TLE4: variants seen among roughly 807,000 people sequenced by gnomAD.
TLE4 encodes transducin-like enhancer protein 4.
TLE4 carries 8 observed loss-of-function variants against 92.8 expected under a neutral mutation model. The ratio of observed to expected loss-of-function variants is 0.09; its 90% CI spans 0.05 to 0.16. The LOEUF (loss-of-function observed/expected upper bound fraction) is 0.16, where lower values mean the gene tolerates loss of function less well. Ranked by LOEUF, TLE4 falls within the 10% of genes least tolerant of loss-of-function variation. TLE4 has a pLI of 1.00. For synonymous variants in TLE4, 371 were observed against 374.1 expected (o/e 0.99, Z 0.10); for missense variants, 675 against 997.6 (o/e 0.68, Z 4.36).
At chr9:79,573,550 C>G (rs941503909) in intron 1 of TLE4, 139 bp from the exon 2 acceptor site, 1 of 832,284 alleles carries the variant, frequency 1.2e-6, no homozygotes, top group Non-Finnish European at 1.7e-6. Flanking sequence ...AGGAGGGTTG[C>G]GGGAGGAGAG....
At chr9:79,583,631 T>C (rs968782387) in intron 4 of TLE4, among the ~76,000 whole-genome samples, 1 of 150,724 alleles carries the variant, frequency 6.6e-6, no homozygotes, top group Non-Finnish European at 1.5e-5. Context: ...ATTTAACTCA[T>C]TATTATTATT....
At chr9:79,701,628 G>A (rs2069907519) in intron 8 of TLE4, among the ~76,000 whole-genome samples, 2 of 152,170 alleles carry the variant, frequency 1.3e-5, no homozygotes, top group African/African-American at 2.4e-5. Flanking sequence ...AAGGAGCAAA[G>A]GTGAGGAAGG....
intron 4 of TLE4, among the ~76,000 whole-genome samples, chr9:79,598,075 GAAAAAAA>G (rs748860967): frequency 4.4e-3 from 287 of 65,754 alleles, no homozygotes; most frequent in African/African-American, 0.015. Context: ...TACTGAAAAA[GAAAAAAA>G]AAAAAAAAAA....
At chr9:79,575,329 A>G (rs773048988) in intron 3 of TLE4, among the ~76,000 whole-genome samples, 17 of 152,190 alleles carry the variant, frequency 1.1e-4, no homozygotes, top group Non-Finnish European at 2.1e-4. Context: ...AACATTGTAA[A>G]TGTCTTATTA....
chr9:79,593,310 G>A (rs1042175977), intron 4 of TLE4, among the ~76,000 whole-genome samples: 2 of 152,032 alleles, frequency 1.3e-5, no homozygotes, highest in African/African-American at 4.8e-5. Flanking sequence ...AAGTCTGACC[G>A]CAGCTTTTAA....
intron 4 of TLE4, among the ~76,000 whole-genome samples, chr9:79,598,081 A>G (rs1437437561): frequency 3.4e-5 from 5 of 149,062 alleles, no homozygotes; most frequent in African/African-American, 5.0e-5. Flanking sequence ...AAAAGAAAAA[A>G]AAAAAAAAAA....
At chr9:79,649,816 G>T in intron 6 of TLE4, 1 of 1,365,488 alleles carries the variant, frequency 7.3e-7, no homozygotes. Context: ...TTTTTATCCT[G>T]TAGGAGAAAA....
chr9:79,624,238 T>G (rs2051879330), intron 5 of TLE4, among the ~76,000 whole-genome samples: 1 of 151,364 alleles, frequency 6.6e-6, no homozygotes, highest in African/African-American at 2.4e-5. Context: ...CTTCCTTGCA[T>G]GTTCATTTTT....
At chr9:79,601,454 A>G (rs779331627) in intron 4 of TLE4, 17 of 455,644 alleles carry the variant, frequency 3.7e-5, no homozygotes, top group South Asian at 2.6e-4. Flanking sequence ...GCAACCCTGA[A>G]TGGAGCTGTT....
intron 8 of TLE4, among the ~76,000 whole-genome samples, chr9:79,654,932 A>G (rs180845786): frequency 9.2e-5 from 14 of 152,310 alleles, no homozygotes; most frequent in Admixed American, 7.8e-4. Context: ...TCGTGAGGTC[A>G]AGAGATCGAG....
intron 6 of TLE4, among the ~76,000 whole-genome samples, chr9:79,638,769 A>G (rs1328632952): frequency 1.3e-5 from 2 of 152,146 alleles, no homozygotes; most frequent in African/African-American, 4.8e-5. Flanking sequence ...AGTTGAGAGG[A>G]AAAAACAGTT....
intron 6 of TLE4, among the ~76,000 whole-genome samples, chr9:79,642,230 TAAAAAAAAAAGA>T (rs2057304011): frequency 6.8e-6 from 1 of 146,576 alleles, no homozygotes; most frequent in Non-Finnish European, 1.5e-5. Flanking sequence ...CTGCTTTACT[TAAAAAAAAAAGA>T]AAAAAAAGAA....
At chr9:79,724,849 TAAAAAAAAAAAAAAAAA>T (rs947971071) in intron 19 of TLE4, among the ~76,000 whole-genome samples, 171 bp from the exon 20 acceptor site, 4 of 25,992 alleles carry the variant, frequency 1.5e-4, no homozygotes, top group South Asian at 3.2e-3. Context: ...CCTGTCTTAT[TAAAAAAAAAAAAAAAAA>T]AAAAAAAAAA....
At position 79,572,978 on chromosome 9, in the gene TLE4, C is replaced by G. The variant is rs570598047; in HGVS notation, c.45+143C>G. On this transcript the variant is annotated intron_variant, in intron 1 of 19. Transcript: ENST00000376552. Reference sequence around the variant, plus strand: ...CGCCCCGCGCCGGGAGCAGCCCGCCCGCCATCACCCCCACCCCCCGGCGCG... The same window carrying G: ...CGCCCCGCGCCGGGAGCAGCCCGCCGGCCATCACCCCCACCCCCCGGCGCG... 2.6e-5 allele frequency: 22 copies of G among 838,812 alleles called. No homozygotes were observed. In the Admixed American group the frequency reaches 7.3e-4, roughly 28 times the overall value. The allele number at this position is 838,812 out of a possible 1,614,324, so 52.0% of individuals were successfully genotyped here.
intron 8 of TLE4, among the ~76,000 whole-genome samples, chr9:79,696,008 C>T (rs1379239468): frequency 6.6e-6 from 1 of 152,132 alleles, no homozygotes; most frequent in Non-Finnish European, 1.5e-5. Context: ...TGTTGTGACT[C>T]TGAGAACTTT....
intron 4 of TLE4, among the ~76,000 whole-genome samples, chr9:79,600,570 T>G (rs1013152740): frequency 5.3e-5 from 8 of 152,188 alleles, no homozygotes; most frequent in African/African-American, 1.9e-4. Flanking sequence ...TCAGACAGGT[T>G]TGTCAGGGAC....
chr9:79,624,181 A>G (rs2051857532), intron 5 of TLE4, among the ~76,000 whole-genome samples: 1 of 151,202 alleles, frequency 6.6e-6, no homozygotes. Flanking sequence ...AAAATGGAAA[A>G]AAAAAAAAAA....
chr9:79,643,738 T>TAA, intron 6 of TLE4, among the ~76,000 whole-genome samples: 1 of 152,190 alleles, frequency 6.6e-6, no homozygotes, highest in East Asian at 1.9e-4. Context: ...CATGGGGTGA[T>TAA]ACCTGGGCAC....
intron 4 of TLE4, among the ~76,000 whole-genome samples, chr9:79,597,766 T>G (rs766920191): frequency 6.6e-6 from 1 of 152,214 alleles, no homozygotes; most frequent in Admixed American, 6.5e-5. Flanking sequence ...TTTACTTTTC[T>G]CCAGCTATAT....
Sources: allele counts gnomAD v4.1 joint callset (sites outside exome capture counted in the v4.1 genomes callset), GRCh38; gene constraint gnomAD v4.1.1; transcripts MANE v1.5; gene names NCBI Gene and HGNC (gene_info 2026-07-23, HGNC 2026-07-21).